The following ADGRL2 variants were observed in gnomAD, a reference collection of about 807,000 sequenced individuals.
ADGRL2 encodes adhesion G protein-coupled receptor L2, also known as calcium-independent alpha-latrotoxin receptor 2.
In ADGRL2, 44 loss-of-function variants were observed where a neutral mutation model predicts 157.4. The ratio of observed to expected loss-of-function variants is 0.28; its 90% confidence interval spans 0.22 to 0.36. The LOEUF (loss-of-function observed/expected upper bound fraction) is 0.36. Ranked by LOEUF, ADGRL2 falls within the 10% of genes least tolerant of loss-of-function variation. The probability of loss-of-function intolerance (pLI) is 1.00; values close to 1 mark genes in which losing one functional copy is unlikely to be tolerated. For synonymous variants in ADGRL2, 585 were observed against 624.7 expected (o/e 0.94, Z 0.95); for missense variants, 1,510 against 1,768.9 (o/e 0.85, Z 2.63).
intron 1 of ADGRL2, among the ~76,000 whole-genome samples, chr1:81,828,324 C>T (rs749004101): frequency 6.6e-6 from 1 of 152,134 alleles, no homozygotes; most frequent in African/African-American, 2.4e-5. Flanking sequence ...TGGTTCTAAT[C>T]CTTACAAATG....
intron 11 of ADGRL2, among the ~76,000 whole-genome samples, chr1:81,960,895 T>C (rs1655132884): frequency 6.6e-6 from 1 of 152,208 alleles, no homozygotes; most frequent in Non-Finnish European, 1.5e-5. Flanking sequence ...TACTACTCCT[T>C]CCTGCTGCAT....
At chr1:81,763,588 C>CAAA (rs35775918) in intron 2 of ADGRL2, among the ~76,000 whole-genome samples, 4 of 122,088 alleles carry the variant, frequency 3.3e-5, no homozygotes, top group African/African-American at 6.1e-5. Flanking sequence ...GATTCAGTCT[C>CAAA]AAAAAAAAAA....
At chr1:81,463,555 A>C (rs952841817) in intron 2 of ADGRL2, among the ~76,000 whole-genome samples, 1 of 152,192 alleles carries the variant, frequency 6.6e-6, no homozygotes, top group African/African-American at 2.4e-5. Flanking sequence ...TTTCAGAATG[A>C]AAAGGAGGTT....
chr1:81,860,778 C>T (rs887467235), intron 2 of ADGRL2, among the ~76,000 whole-genome samples: 73 of 152,146 alleles, frequency 4.8e-4, no homozygotes, highest in African/African-American at 1.6e-3. Context: ...GACTTTCAGC[C>T]GTGAAATAAA....
At chr1:81,693,830 A>G (rs2149000675) in intron 3 of ADGRL2, among the ~76,000 whole-genome samples, 1 of 152,310 alleles carries the variant, frequency 6.6e-6, no homozygotes, top group Middle Eastern at 3.4e-3. Flanking sequence ...TAGAAAAATG[A>G]CACAGAAAAG....
intron 18 of ADGRL2, chr1:81,981,085 ATAAT>A: frequency 2.3e-6 from 1 of 439,396 alleles, no homozygotes; most frequent in Non-Finnish European, 4.4e-6. Context: ...ATTCTGTCTA[ATAAT>A]TTTGTTTCTC....
chr1:81,715,745 T>C (rs902401270), intron 1 of ADGRL2, among the ~76,000 whole-genome samples: 4 of 152,204 alleles, frequency 2.6e-5, no homozygotes, highest in Non-Finnish European at 5.9e-5. Flanking sequence ...CTTATCCCCC[T>C]GCTTTTTTTC....
chr1:81,375,198 G>A (rs1274134160), intron 1 of ADGRL2, among the ~76,000 whole-genome samples: 1 of 152,164 alleles, frequency 6.6e-6, no homozygotes. Flanking sequence ...AAAGAGCAAT[G>A]GCAGCAACAT....
intron 1 of ADGRL2, among the ~76,000 whole-genome samples, chr1:81,376,751 C>T: frequency 6.6e-6 from 1 of 152,182 alleles, no homozygotes; most frequent in East Asian, 1.9e-4. Flanking sequence ...ACCCCAGGGG[C>T]TGATCAGCCT....
chr1:81,756,469 C>T (rs1326105063), intron 1 of ADGRL2, among the ~76,000 whole-genome samples: 1 of 152,076 alleles, frequency 6.6e-6, no homozygotes, highest in Non-Finnish European at 1.5e-5. Flanking sequence ...TATCATGGTT[C>T]AGTAGAGATG....
At chr1:81,502,514 C>A in intron 2 of ADGRL2, 1 of 1,614,072 alleles carries the variant, frequency 6.2e-7, no homozygotes, top group Non-Finnish European at 8.5e-7. Flanking sequence ...CATGGCCAAA[C>A]AGATCCTGGA....
intron 2 of ADGRL2, among the ~76,000 whole-genome samples, chr1:81,858,407 C>CT (rs1460560991): frequency 6.6e-6 from 1 of 152,076 alleles, no homozygotes; most frequent in Non-Finnish European, 1.5e-5. Flanking sequence ...CTAAATGCAA[C>CT]TTTTTTGGTA....
chr1:81,827,978 A>G (rs954224657), intron 1 of ADGRL2, among the ~76,000 whole-genome samples: 1 of 152,210 alleles, frequency 6.6e-6, no homozygotes, highest in Non-Finnish European at 1.5e-5. Flanking sequence ...ATAATAGACT[A>G]AAGTTGATTT....
At chr1:81,349,696 A>C (rs1662740996) in intron 1 of ADGRL2, among the ~76,000 whole-genome samples, 1 of 151,108 alleles carries the variant, frequency 6.6e-6, no homozygotes, top group South Asian at 2.1e-4. Flanking sequence ...CACTAAATCC[A>C]AGCATTCTCT....
chr1:81,721,723 C>A, intron 1 of ADGRL2: 1 of 1,403,406 alleles, frequency 7.1e-7, no homozygotes, highest in Non-Finnish European at 9.9e-7. Flanking sequence ...ACGAGCAGGC[C>A]CTTGTGAAAA....
intron 2 of ADGRL2, among the ~76,000 whole-genome samples, chr1:81,457,919 C>T (rs2077840045): frequency 6.6e-6 from 1 of 152,112 alleles, no homozygotes; most frequent in South Asian, 2.1e-4. Flanking sequence ...TTTACATAAC[C>T]TCAGATTTTG....
At chr1:81,922,015 G>A (rs1038316883) in intron 3 of ADGRL2, among the ~76,000 whole-genome samples, 4 of 152,120 alleles carry the variant, frequency 2.6e-5, no homozygotes, top group Admixed American at 6.6e-5. Flanking sequence ...AAGGTAGAGC[G>A]TTATGCAGTG....
At chr1:81,827,171 G>T (rs1483928137) in intron 1 of ADGRL2, among the ~76,000 whole-genome samples, 1 of 152,156 alleles carries the variant, frequency 6.6e-6, no homozygotes, top group Non-Finnish European at 1.5e-5. Flanking sequence ...AATAAGATTG[G>T]TGATGTTGGC....
At chr1:81,657,931 G>A (rs181693318) in intron 3 of ADGRL2, among the ~76,000 whole-genome samples, 8 of 152,094 alleles carry the variant, frequency 5.3e-5, no homozygotes, top group South Asian at 4.2e-4. Flanking sequence ...GTAAGGAGAC[G>A]TAAATTACTT....
Sources: allele counts gnomAD v4.1 joint callset (sites outside exome capture counted in the v4.1 genomes callset), GRCh38; gene constraint gnomAD v4.1.1; transcripts MANE v1.5; gene names NCBI Gene and HGNC (gene_info 2026-07-23, HGNC 2026-07-21).